RPH3AL: variants seen among roughly 807,000 people sequenced by gnomAD.
The protein encoded by RPH3AL is rabphilin 3A like (without C2 domains), also known as rab effector Noc2.
Under a neutral mutation model 43.1 loss-of-function variants are expected in RPH3AL, and 38 were observed. The ratio of observed to expected loss-of-function variants is 0.88; its 90% CI spans 0.68 to 1.15. The LOEUF (loss-of-function observed/expected upper bound fraction) is 1.15, where lower values mean the gene tolerates loss of function less well. Ranked by LOEUF, RPH3AL falls within the 50% of genes most tolerant of loss-of-function variation. RPH3AL has a pLI of 0.00. For missense variants in RPH3AL, 462 were observed against 423.2 expected (o/e 1.09, Z -0.81); for synonymous variants, 189 against 176.3 (o/e 1.07, Z -0.57).
rs1379089431 is a variant in RPH3AL, at chr17:215,008, G to C, written c.876+646C>G. On this transcript the variant is annotated intron_variant, in intron 9 of 9. Transcript: ENST00000331302. This position sits in a 1 kb window ranked among gnomAD's most constrained non-coding sequence, Gnocchi z 4.1. ...GTGGGGAAGGAGAGAGGTGCGGCAG[G>C]CGTTCCTGTGGGTGGCTGCCGGGTG... Among the ~76,000 whole-genome samples, 2 of 152,166 alleles carry C rather than the reference G, an allele frequency of 1.3e-5. No individual in the cohort carries two copies. Among genetic ancestry groups the C allele is most frequent in the Admixed American group, 1.3e-4 (2 of 15,276 alleles).
At chr17:221,486 C>A (rs369910415) in intron 7 of RPH3AL, among the ~76,000 whole-genome samples, 52 of 30,494 alleles carry the variant, frequency 1.7e-3, no homozygotes, top group Admixed American at 2.7e-3. Context: ...TAGACCCAAG[C>A]ACATCAGCTC....
chr17:246,879 C>G lies in RPH3AL; in HGVS notation c.613+232G>C, dbSNP rs1000648185. Among the ~76,000 whole-genome samples the G allele has an allele frequency of 3.9e-5, 6 of 152,234 alleles. No homozygotes were observed. Among genetic ancestry groups the G allele is most frequent in the African/African-American group, 9.6e-5 (4 of 41,454 alleles). On this transcript the variant is annotated intron_variant, in intron 7 of 9. Transcript: ENST00000331302. The surrounding 1 kb of genome is among the most constrained non-coding windows in gnomAD (Gnocchi z 4.8). ...GCAGTACTTGTATGTGATACTGCCC[C>G]CCGTGGGCCCTCCCGCCGCACTCCT...
Position 322,956 on chromosome 17 carries a change from T to G in RPH3AL, c.78-1541A>C, listed in dbSNP as rs1333855232. Among the ~76,000 whole-genome samples, 2 of 152,084 alleles carry G rather than the reference T, an allele frequency of 1.3e-5. No individual in the cohort carries two copies. The highest frequency in any genetic ancestry group is 2.9e-5 in the Non-Finnish European group (2 of 68,020). ...CCTCGGATGAGGCTCTCACCCTTGG[T>G]TTTCTGATCTGTCTCTTTAAGGGAT... On this transcript the variant is annotated intron_variant, in intron 3 of 9. Transcript: ENST00000331302. This position sits in a 1 kb window ranked among gnomAD's most constrained non-coding sequence, Gnocchi z 4.0.
intron 7 of RPH3AL, among the ~76,000 whole-genome samples, chr17:229,499 C>CA (rs2041179218): frequency 6.6e-6 from 1 of 152,234 alleles, no homozygotes; most frequent in Admixed American, 6.5e-5. Flanking sequence ...CCATGTCCCC[C>CA]AAAGAGCTGG....
In RPH3AL at chr17:243,268, T is replaced by C. The variant is rs1419348165; in HGVS notation, c.613+3843A>G. ...GATTACCTTTCTCTATTGATTACCC[T>C]TCCTCTATTGATTACCTTCCTCTAT... On this transcript the variant is annotated intron_variant, in intron 7 of 9. Transcript: ENST00000331302. 2.0e-5 allele frequency among the ~76,000 whole-genome samples: 3 copies of C among 146,784 alleles called. 1 individual carries two copies.
At chr17:342,116 A>G (rs1038805209) in intron 1 of RPH3AL, among the ~76,000 whole-genome samples, 6 of 152,218 alleles carry the variant, frequency 3.9e-5, no homozygotes, top group Admixed American at 1.3e-4. Flanking sequence ...AAAAGACTCA[A>G]TATTGTTAAC....
At chr17:319,350 C>A in intron 5 of RPH3AL, 70 bp downstream of exon 5, 1 of 1,555,728 alleles carries the variant, frequency 6.4e-7, no homozygotes, top group South Asian at 1.2e-5. Context: ...AGCCAGGATG[C>A]AAAGCCACAG....
intron 3 of RPH3AL, among the ~76,000 whole-genome samples, chr17:326,313 GCT>G (rs1325179892): frequency 6.6e-6 from 1 of 152,206 alleles, no homozygotes; most frequent in African/African-American, 2.4e-5. Flanking sequence ...TGATGTTTCA[GCT>G]CTGTCCCCTG....
At chr17:288,837 CCTCTCTCCACCGTCAGACCTCGCACCCT>C (rs2042980224) in intron 5 of RPH3AL, among the ~76,000 whole-genome samples, 1 of 18,192 alleles carries the variant, frequency 5.5e-5, no homozygotes, top group Non-Finnish European at 1.7e-4. Flanking sequence ...GACCTCGCAC[CCTCTCTCCACCGTCAGACCTCGCACCCT>C]CTCTCTCCAC....
At chr17:214,032 A>G in intron 9 of RPH3AL, 109 bp from the exon 10 acceptor site, 4 of 803,592 alleles carry the variant, frequency 5.0e-6, no homozygotes, top group Non-Finnish European at 6.1e-6. Flanking sequence ...TGGGGAAGGC[A>G]GGCTTCTGCT....
chr17:341,845 G>A (rs113449708), intron 1 of RPH3AL, among the ~76,000 whole-genome samples: 4 of 152,262 alleles, frequency 2.6e-5, no homozygotes, highest in African/African-American at 9.6e-5. Context: ...ACTGTGCCTG[G>A]CTGACTTTAT....
chr17:297,846 G>A (rs1250241139), intron 5 of RPH3AL, among the ~76,000 whole-genome samples: 1 of 152,168 alleles, frequency 6.6e-6, no homozygotes, highest in Non-Finnish European at 1.5e-5. Flanking sequence ...GCAAACACTT[G>A]TAAGTCCCCG....
At chr17:312,965 G>A (rs1310071306) in intron 5 of RPH3AL, among the ~76,000 whole-genome samples, 5 of 152,186 alleles carry the variant, frequency 3.3e-5, no homozygotes, top group African/African-American at 1.2e-4. Flanking sequence ...TCCCATCTGG[G>A]CAGGAGCCCC....
intron 5 of RPH3AL, among the ~76,000 whole-genome samples, chr17:316,042 A>C (rs565963147): frequency 8.7e-4 from 127 of 146,714 alleles, no homozygotes; most frequent in Non-Finnish European, 9.2e-4. Flanking sequence ...ATTGACCTGT[A>C]GTCCCTGTGA....
chr17:231,113 G>A (rs1441101966), intron 7 of RPH3AL, among the ~76,000 whole-genome samples: 3 of 152,188 alleles, frequency 2.0e-5, no homozygotes, highest in African/African-American at 7.2e-5. Context: ...GTCTATGCCA[G>A]CTCCTCTCAC....
intron 6 of RPH3AL, among the ~76,000 whole-genome samples, chr17:268,911 C>A (rs995402277): frequency 5.9e-5 from 9 of 152,044 alleles, no homozygotes; most frequent in African/African-American, 2.2e-4. Context: ...CGGAGTCTCG[C>A]TCCGTCACCC....
intron 1 of RPH3AL, among the ~76,000 whole-genome samples, chr17:351,700 A>G (rs565272415): frequency 1.3e-5 from 2 of 152,304 alleles, no homozygotes; most frequent in African/African-American, 4.8e-5. Flanking sequence ...TTCCCTTTAA[A>G]TCAACCCACT....
At chr17:227,877 C>CA (rs200247717) in intron 7 of RPH3AL, among the ~76,000 whole-genome samples, 7,275 of 149,964 alleles carry the variant, frequency 0.049, 232 homozygotes, top group Non-Finnish European at 0.072. Context: ...ATACTAAAAA[C>CA]AAAAAAAAAA....
intron 7 of RPH3AL, among the ~76,000 whole-genome samples, chr17:236,851 C>T (rs759890191): frequency 3.3e-5 from 5 of 152,262 alleles, no homozygotes; most frequent in African/African-American, 7.2e-5. Context: ...GCACGGCTTC[C>T]GCCACGGGCG....
Sources: allele counts gnomAD v4.1 joint callset (sites outside exome capture counted in the v4.1 genomes callset), GRCh38; gene constraint gnomAD v4.1.1; non-coding constraint Gnocchi (gnomAD v3.1); transcripts MANE v1.5; gene names NCBI Gene and HGNC (gene_info 2026-07-23, HGNC 2026-07-21).